The following COL24A1 variants were observed in gnomAD, a reference collection of about 807,000 sequenced individuals.
COL24A1 encodes collagen type XXIV alpha 1 chain.
COL24A1 carries 224 observed loss-of-function variants against 253.9 expected under a neutral mutation model. The ratio of observed to expected loss-of-function variants is 0.88; its 90% CI spans 0.79 to 0.99. The LOEUF is 0.99. Among genes scored for constraint, COL24A1 ranks in the 50% least tolerant of loss-of-function variants. COL24A1 has a pLI of 0.00. For synonymous variants in COL24A1, 685 were observed against 673.7 expected (o/e 1.02, Z -0.26); for missense variants, 2,131 against 2,068.5 (o/e 1.03, Z -0.59).
chr1:85,841,983 G>T, intron 41 of COL24A1, 85 bp downstream of exon 41: 3 of 1,211,226 alleles, frequency 2.5e-6, no homozygotes, highest in East Asian at 2.4e-5. Flanking sequence ...TTTATTCCTT[G>T]AAAATTTTTC....
At chr1:85,968,741 T>C (rs932740975) in intron 22 of COL24A1, among the ~76,000 whole-genome samples, 2 of 152,166 alleles carry the variant, frequency 1.3e-5, no homozygotes, top group African/African-American at 2.4e-5. Context: ...TCAAGCACTG[T>C]GTAGTACATT....
chr1:86,059,294 C>T (rs189081993), intron 8 of COL24A1, 120 bp from the exon 9 acceptor site: 2 of 560,354 alleles, frequency 3.6e-6, no homozygotes, highest in South Asian at 4.1e-5. Flanking sequence ...CTACACATGG[C>T]TTATGTAACT....
At chr1:85,963,026 T>A (rs1314643669) in intron 23 of COL24A1, among the ~76,000 whole-genome samples, 1 of 152,132 alleles carries the variant, frequency 6.6e-6, no homozygotes, top group Non-Finnish European at 1.5e-5. Flanking sequence ...GATATAATAT[T>A]TGGATATCTT....
chr1:86,089,152 A>G, intron 7 of COL24A1, 22 bp downstream of exon 7: 1 of 1,564,692 alleles, frequency 6.4e-7, no homozygotes, highest in Non-Finnish European at 8.6e-7. Context: ...AAAAAAAGAA[A>G]AGAAGTAAAA....
At chr1:86,039,147 AG>A (rs35733980) in intron 12 of COL24A1, among the ~76,000 whole-genome samples, 64,529 of 151,892 alleles carry the variant, frequency 0.42, 14,390 homozygotes, top group Middle Eastern at 0.63. Flanking sequence ...TATGATATGC[AG>A]GGGCCCTCTA....
At chr1:85,854,794 C>T (rs1678236355) in intron 37 of COL24A1, among the ~76,000 whole-genome samples, 1 of 151,754 alleles carries the variant, frequency 6.6e-6, no homozygotes, top group Admixed American at 6.6e-5. Flanking sequence ...AACCTCACCT[C>T]CTGGGTTCAA....
rs533739101 is a variant in COL24A1, at chr1:86,081,675, C to T, written c.1707+7499G>A. ...AAATGACTTGTCTGGTAATTGGTCA[C>T]GATGCACTCCATTACTTATGTAGTG... On this transcript the variant is annotated intron_variant, in intron 7 of 59. Transcript: ENST00000370571. Among the ~76,000 whole-genome samples the T allele has an allele frequency of 1.8e-4, 28 of 152,200 alleles. No homozygotes were observed. In the South Asian group the frequency reaches 5.4e-3, roughly 29 times the overall value.
In COL24A1 at chr1:86,095,311, G is replaced by A. The variant is rs556034639; in HGVS notation, c.1600-2991C>T. 8.3e-4 allele frequency among the ~76,000 whole-genome samples: 126 copies of A among 152,072 alleles called. 2 individuals are homozygous for A. Among genetic ancestry groups the A allele is most frequent in the Middle Eastern group, 6.8e-3 (2 of 294 alleles). ...ATTTTAAAGGGTACTTTTTCTTCAT[G>A]TGTTATACATCTGGGCAACACATTT... On this transcript the variant is annotated intron_variant, in intron 5 of 59. Coordinates refer to ENST00000370571, the MANE Select transcript of COL24A1 (RefSeq NM_152890.7).
chr1:86,110,655 G>T (rs552823796), intron 5 of COL24A1, among the ~76,000 whole-genome samples: 2 of 152,180 alleles, frequency 1.3e-5, no homozygotes, highest in South Asian at 4.1e-4. Context: ...CACTCCCAGC[G>T]GCCCCGGGCA....
At chr1:85,820,309 G>A (rs567158702) in intron 45 of COL24A1, among the ~76,000 whole-genome samples, 1 of 152,304 alleles carries the variant, frequency 6.6e-6, no homozygotes, top group East Asian at 1.9e-4. Context: ...CTAGGACAGT[G>A]GGATTAAGAA....
intron 24 of COL24A1, among the ~76,000 whole-genome samples, chr1:85,953,148 A>G (rs1690088433): frequency 6.6e-6 from 1 of 152,188 alleles, no homozygotes; most frequent in South Asian, 2.1e-4. Context: ...TTTGTAAATA[A>G]AAATAAGACA....
rs1450176961 is a variant in COL24A1 at position 86,139,265 on chromosome 1, A to G, written c.121+6854T>C. On this transcript the variant is annotated intron_variant, in intron 2 of 59. Transcript: ENST00000370571. ...AGGGAGAAAGGTGAAATTAAGTCTTAGTAGAGGATAAAACTATGACTCATA... is the reference window on the plus strand; with the variant it reads ...AGGGAGAAAGGTGAAATTAAGTCTTGGTAGAGGATAAAACTATGACTCATA... Among the ~76,000 whole-genome samples the G allele has an allele frequency of 7.2e-5, 11 of 152,092 alleles. 1 individual carries two copies. In the South Asian group the frequency reaches 1.0e-3, roughly 14 times the overall value.
At chr1:85,773,857 T>A (rs539726434) in intron 53 of COL24A1, among the ~76,000 whole-genome samples, 5 of 152,310 alleles carry the variant, frequency 3.3e-5, no homozygotes, top group Admixed American at 1.3e-4. Flanking sequence ...TTGAATACCC[T>A]TTATTTCTTT....
chr1:85,970,419 C>T lies in COL24A1; in HGVS notation c.2419-148G>A, dbSNP rs898211445. 16 of 797,464 alleles carry T rather than the reference C, an allele frequency of 2.0e-5. No individual in the cohort carries two copies. The African/African-American group carries it at 2.5e-4, about 12-fold the overall frequency. 49.4% of individuals were successfully genotyped at this position (797,464 alleles called of 1,614,324 possible). On this transcript the variant is annotated intron_variant, in intron 21 of 59. Coordinates refer to ENST00000370571, the MANE Select transcript of COL24A1 (RefSeq NM_152890.7). ...CTGTTATTTTCTTGTACTTTGAACT[C>T]CATCACCCCACAACACTTTAGTTTT...
chr1:86,054,535 A>G (rs1700536203), intron 10 of COL24A1, among the ~76,000 whole-genome samples: 1 of 152,198 alleles, frequency 6.6e-6, no homozygotes, highest in South Asian at 2.1e-4. Flanking sequence ...GCCCCAAAAC[A>G]TGAAAAAATG....
chr1:86,040,074 G>T (rs957568608), intron 12 of COL24A1, among the ~76,000 whole-genome samples: 4 of 152,130 alleles, frequency 2.6e-5, no homozygotes, highest in Non-Finnish European at 1.5e-5. Context: ...CCAGATTCAA[G>T]TTCCGGCCTT....
At chr1:85,911,270 G>A in intron 25 of COL24A1, 110 bp downstream of exon 25, 1 of 831,734 alleles carries the variant, frequency 1.2e-6, no homozygotes, top group Non-Finnish European at 2.0e-6. Context: ...TAGGTAATGT[G>A]CTAAAGTTAT....
chr1:85,854,911 C>A (rs1372718821), intron 37 of COL24A1, among the ~76,000 whole-genome samples: 1 of 152,016 alleles, frequency 6.6e-6, no homozygotes, highest in Non-Finnish European at 1.5e-5. Flanking sequence ...ACCATGTTGG[C>A]CGGGATGGTC....
chr1:86,007,143 A>C (rs1696042933), intron 19 of COL24A1, among the ~76,000 whole-genome samples: 1 of 152,106 alleles, frequency 6.6e-6, no homozygotes, highest in South Asian at 2.1e-4. Context: ...TGAGCCCAGG[A>C]GGTTGAGGCG....
Sources: allele counts gnomAD v4.1 joint callset (sites outside exome capture counted in the v4.1 genomes callset), GRCh38; gene constraint gnomAD v4.1.1; transcripts MANE v1.5; gene names NCBI Gene and HGNC (gene_info 2026-07-23, HGNC 2026-07-21).